FGF14: variants seen among roughly 807,000 people sequenced by gnomAD.
FGF14 encodes fibroblast growth factor 14, also known as fibroblast growth factor homologous factor 4.
FGF14 carries 5 observed loss-of-function variants against 25.5 expected under a neutral mutation model. The observed-to-expected ratio is 0.20, with a 90% CI of 0.10 to 0.41. FGF14 has a LOEUF of 0.41. Ranked by LOEUF, FGF14 falls within the 10% of genes least tolerant of loss-of-function variation. The pLI is 1.00. For missense variants in FGF14, 222 were observed against 320.1 expected, an observed-to-expected ratio of 0.69 and a Z score of 2.34; for synonymous variants, 138 against 118.3, an observed-to-expected ratio of 1.17 and a Z score of -1.08.
chr13:102,361,308 C>T (rs900652627), intron 1 of FGF14, among the ~76,000 whole-genome samples: 12 of 152,140 alleles, frequency 7.9e-5, no homozygotes, highest in Admixed American at 4.6e-4. Flanking sequence ...GAATATTATT[C>T]ACCTGAAGGA....
At chr13:101,977,426 TA>T (rs1425446250) in intron 1 of FGF14, among the ~76,000 whole-genome samples, 1 of 152,230 alleles carries the variant, frequency 6.6e-6, no homozygotes. Context: ...CAAATTGGTT[TA>T]AAGGCTCAAG....
intron 1 of FGF14, among the ~76,000 whole-genome samples, chr13:101,981,147 G>T (rs2038235465): frequency 1.4e-5 from 2 of 147,230 alleles, no homozygotes; most frequent in South Asian, 4.4e-4. Context: ...AGGCATGGTG[G>T]CATGCACCTG....
At chr13:102,056,517 C>T (rs953301409) in intron 1 of FGF14, among the ~76,000 whole-genome samples, 1 of 152,108 alleles carries the variant, frequency 6.6e-6, no homozygotes, top group Non-Finnish European at 1.5e-5. Context: ...CATAATAAAA[C>T]ATAATTTCTC....
At chr13:101,867,527 C>G (rs950203654) in intron 3 of FGF14, among the ~76,000 whole-genome samples, 4 of 152,092 alleles carry the variant, frequency 2.6e-5, no homozygotes, top group Non-Finnish European at 5.9e-5. Context: ...ACAAAAATAA[C>G]AGAGCAAGTT....
chr13:102,045,106 T>C (rs1031880013), intron 1 of FGF14, among the ~76,000 whole-genome samples: 4 of 152,318 alleles, frequency 2.6e-5, no homozygotes, highest in Admixed American at 2.6e-4. Flanking sequence ...ATAATTTTGA[T>C]ATTCAATTTG....
At chr13:101,751,607 A>G (rs2037280101) in intron 3 of FGF14, among the ~76,000 whole-genome samples, 1 of 152,154 alleles carries the variant, frequency 6.6e-6, no homozygotes, top group Admixed American at 6.6e-5. Flanking sequence ...GTCAGGAGTG[A>G]GAAAACAACA....
At chr13:102,290,236 A>T (rs972300526) in intron 1 of FGF14, among the ~76,000 whole-genome samples, 1 of 152,084 alleles carries the variant, frequency 6.6e-6, no homozygotes, top group Non-Finnish European at 1.5e-5. Flanking sequence ...TAGTGCCTTT[A>T]TAAAGGAAAC....
intron 1 of FGF14, among the ~76,000 whole-genome samples, chr13:102,018,892 T>A (rs915037562): frequency 3.3e-5 from 5 of 152,146 alleles, no homozygotes; most frequent in African/African-American, 1.2e-4. Context: ...ACCTGCTGAA[T>A]CAGAACTTTC....
intron 3 of FGF14, among the ~76,000 whole-genome samples, chr13:101,754,963 A>G (rs967726158): frequency 6.6e-6 from 1 of 152,198 alleles, no homozygotes; most frequent in African/African-American, 2.4e-5. Context: ...GTTAAATGAC[A>G]TATCTTTTTG....
chr13:101,918,022 C>T (rs2033703549), upstream of FGF14, among the ~76,000 whole-genome samples: 1 of 152,072 alleles, frequency 6.6e-6, no homozygotes, highest in African/African-American at 2.4e-5. Flanking sequence ...TTCTGGTGTC[C>T]CTGGGCAAAG....
chr13:101,867,613 C>G (rs1487578877), intron 3 of FGF14, among the ~76,000 whole-genome samples: 2 of 152,036 alleles, frequency 1.3e-5, no homozygotes, highest in Non-Finnish European at 2.9e-5. Context: ...TTAATTTTTT[C>G]TAAAGGGAGC....
intron 1 of FGF14, chr13:102,293,506 G>A (rs917940761): frequency 2.6e-5 from 4 of 152,122 alleles, no homozygotes; most frequent in Non-Finnish European, 5.9e-5. Context: ...TCATTTCCTG[G>A]TTCTCTGTTG....
chr13:102,317,079 G>C (rs956658060), intron 1 of FGF14, among the ~76,000 whole-genome samples: 1 of 151,858 alleles, frequency 6.6e-6, no homozygotes, highest in African/African-American at 2.4e-5. Context: ...ATGTGATATA[G>C]ACAGGCACCG....
intron 1 of FGF14, among the ~76,000 whole-genome samples, chr13:101,950,251 T>G (rs2036073422): frequency 6.6e-6 from 1 of 152,126 alleles, no homozygotes; most frequent in Admixed American, 6.6e-5. Flanking sequence ...CAACATAAAT[T>G]TCTAAACTAA....
At chr13:102,199,069 A>G (rs998571609) in intron 1 of FGF14, among the ~76,000 whole-genome samples, 9 of 152,218 alleles carry the variant, frequency 5.9e-5, no homozygotes, top group Admixed American at 2.6e-4. Context: ...TTATTTCACT[A>G]CTACAAATAG....
chr13:102,223,754 A>G (rs2050715848), intron 1 of FGF14, among the ~76,000 whole-genome samples: 1 of 152,212 alleles, frequency 6.6e-6, no homozygotes, highest in South Asian at 2.1e-4. Context: ...ACAGTTTACC[A>G]GCATAACTTA....
At chr13:102,199,279 T>C (rs1196196636) in intron 1 of FGF14, among the ~76,000 whole-genome samples, 1 of 152,214 alleles carries the variant, frequency 6.6e-6, no homozygotes, top group African/African-American at 2.4e-5. Context: ...TCTGAGGAAT[T>C]AAAACATGTT....
At chr13:101,821,110 G>A (rs1397511594) in intron 3 of FGF14, among the ~76,000 whole-genome samples, 2 of 150,964 alleles carry the variant, frequency 1.3e-5, no homozygotes, top group Non-Finnish European at 3.0e-5. Context: ...TACCACGCCG[G>A]GCTAATTTTT....
intron 1 of FGF14, among the ~76,000 whole-genome samples, chr13:102,061,961 C>A (rs2042707602): frequency 6.6e-6 from 1 of 152,060 alleles, no homozygotes; most frequent in African/African-American, 2.4e-5. Flanking sequence ...CTCATGAATA[C>A]CCAAAGCAAG....
Sources: gnomAD v4.1 joint callset for allele counts (sites outside exome capture counted in the v4.1 genomes callset) on GRCh38, gnomAD v4.1.1 for gene constraint, MANE v1.5 for transcripts, NCBI Gene and HGNC (gene_info 2026-07-23, HGNC 2026-07-21) for gene names.